EGLN1: variants seen among roughly 807,000 people sequenced by gnomAD.
The protein encoded by EGLN1 is egl nine homolog 1.
Under a neutral mutation model 38.3 loss-of-function variants are expected in EGLN1, and 17 were observed. That is an observed-to-expected ratio of 0.44 (90% confidence interval 0.30 to 0.67). The LOEUF is 0.67. EGLN1 is among the 30% of genes least tolerant of loss of function. EGLN1 has a pLI of 0.08. For synonymous variants in EGLN1, 283 were observed against 257.5 expected (o/e 1.10, Z -0.95); for missense variants, 477 against 603.3 (o/e 0.79, Z 2.19).
chr1:231,367,493 C>G, intron 4 of EGLN1, 76 bp downstream of exon 4: 2 of 1,425,318 alleles, frequency 1.4e-6, no homozygotes, highest in Non-Finnish European at 2.0e-6. Flanking sequence ...AAAGACTATG[C>G]TTGAGTTTCC....
chr1:231,401,456 T>C (rs921500652), intron 1 of EGLN1, among the ~76,000 whole-genome samples: 3 of 152,114 alleles, frequency 2.0e-5, no homozygotes, highest in Non-Finnish European at 2.9e-5. Flanking sequence ...AGTCTAGAAA[T>C]TTTTCTTACA....
chr1:231,388,198 A>G (rs191961448), intron 1 of EGLN1, among the ~76,000 whole-genome samples: 115 of 152,168 alleles, frequency 7.6e-4, no homozygotes, highest in Non-Finnish European at 8.8e-4. Flanking sequence ...TGACTAATTT[A>G]AAGAGAATGT....
chr1:231,382,263 A>G (rs1287015255), intron 1 of EGLN1, among the ~76,000 whole-genome samples: 1 of 152,212 alleles, frequency 6.6e-6, no homozygotes, highest in East Asian at 1.9e-4. Flanking sequence ...TCCTTAAGTT[A>G]TTTTGGCACA....
intron 1 of EGLN1, among the ~76,000 whole-genome samples, chr1:231,386,717 G>A (rs1376601430): frequency 2.0e-5 from 3 of 151,994 alleles, no homozygotes; most frequent in African/African-American, 7.2e-5. Flanking sequence ...ATCAATTAAT[G>A]ATTTACCTTG....
intron 1 of EGLN1, among the ~76,000 whole-genome samples, chr1:231,384,970 G>T (rs1289343756): frequency 6.6e-6 from 1 of 152,142 alleles, no homozygotes; most frequent in Non-Finnish European, 1.5e-5. Context: ...CTGAAGGCTG[G>T]CAAGAGTGGA....
chr1:231,410,280 G>C (rs1688904343), intron 1 of EGLN1, among the ~76,000 whole-genome samples: 2 of 151,910 alleles, frequency 1.3e-5, no homozygotes, highest in African/African-American at 4.8e-5. Context: ...ATACTTTATT[G>C]AAGAAAGCTG....
rs1271187835 is a variant in EGLN1, at chr1:231,416,262, T to C, written c.891+4736A>G. On this transcript the variant is annotated intron_variant, in intron 1 of 4. Transcript: ENST00000366641. Reference sequence around the variant, plus strand: ...ATCGTCCCACCTCAGCCTCCCAGAGTGTTGGGAATTACAGGGGTGAGTTAC... The same window carrying C: ...ATCGTCCCACCTCAGCCTCCCAGAGCGTTGGGAATTACAGGGGTGAGTTAC... 5.3e-5 allele frequency among the ~76,000 whole-genome samples: 8 copies of C among 151,746 alleles called. No individual in the cohort carries two copies. The East Asian group carries it at 1.4e-3, about 26-fold the overall frequency.
chr1:231,374,064 A>T lies in EGLN1; in HGVS notation c.927T>A (p.Gly309=). The change falls in exon 2 of 5, where the codon GGT becomes GGA. Residue 309 remains glycine, a synonymous_variant. Coordinates refer to ENST00000366641, the MANE Select transcript of EGLN1 (RefSeq NM_022051.3). ...MVACYPGNGT[G]YVRHVDNPNG... ...TTGGATTATCAACATGACGTACATA[A>T]CCCGTTCCATTGCCCGGATAACAAG... 1 of 1,613,706 alleles carries T rather than the reference A, an allele frequency of 6.2e-7. No individual in the cohort carries two copies. Among genetic ancestry groups the T allele is most frequent in the East Asian group, 2.2e-5 (1 of 44,858 alleles).
chr1:231,391,100 G>T lies in EGLN1; in HGVS notation c.892-17001C>A, dbSNP rs1282655043. 1.9e-3 allele frequency among the ~76,000 whole-genome samples: 262 copies of T among 139,746 alleles called. 2 individuals carry two copies. Among genetic ancestry groups the T allele is most frequent in the African/African-American group, 6.7e-3 (236 of 35,034 alleles). The allele number at this position is 139,746 out of a possible 152,430, so 91.7% of individuals were successfully genotyped here. A position where few individuals can be genotyped will look rare whatever the true frequency, so the allele number is the denominator to read the frequency against. On this transcript the variant is annotated intron_variant, in intron 1 of 4. Coordinates refer to ENST00000366641, the MANE Select transcript of EGLN1 (RefSeq NM_022051.3). Reference sequence around the variant, plus strand: ...CTCATTCTGTTTTTTTTTTGTGTGTGTGTGTGTGTGTGTGTGTGTGTGTGT... The same window carrying T: ...CTCATTCTGTTTTTTTTTTGTGTGTTTGTGTGTGTGTGTGTGTGTGTGTGT...
intron 1 of EGLN1, among the ~76,000 whole-genome samples, chr1:231,375,024 AAAAC>A (rs67936603): frequency 0.52 from 79,099 of 151,622 alleles, 22,620 homozygotes; most frequent in Middle Eastern, 0.64. Context: ...AATTATGAAG[AAAAC>A]AAACAAAGAC....
intron 1 of EGLN1, among the ~76,000 whole-genome samples, chr1:231,384,757 C>T (rs970409416): frequency 6.6e-6 from 1 of 152,154 alleles, no homozygotes; most frequent in Non-Finnish European, 1.5e-5. Context: ...GCTGGCAGAC[C>T]ACAGCCCACT....
intron 1 of EGLN1, among the ~76,000 whole-genome samples, chr1:231,398,796 T>A (rs1185573626): frequency 6.6e-6 from 1 of 151,996 alleles, no homozygotes; most frequent in Non-Finnish European, 1.5e-5. Context: ...ACTATAGTAG[T>A]GAGAACTGAA....
At chr1:231,376,142 AG>A (rs1411437207) in intron 1 of EGLN1, among the ~76,000 whole-genome samples, 1 of 152,350 alleles carries the variant, frequency 6.6e-6, no homozygotes, top group East Asian at 1.9e-4. Flanking sequence ...CCTCCTTATA[AG>A]AAGTTTTGCT....
chr1:231,412,207 A>G (rs2102937890), intron 1 of EGLN1, among the ~76,000 whole-genome samples: 1 of 152,234 alleles, frequency 6.6e-6, no homozygotes, highest in African/African-American at 2.4e-5. Context: ...CTAAGCTATC[A>G]GTAACTTTCT....
At chr1:231,414,936 C>T (rs1005441856) in intron 1 of EGLN1, among the ~76,000 whole-genome samples, 3 of 151,916 alleles carry the variant, frequency 2.0e-5, no homozygotes, top group South Asian at 2.1e-4. Context: ...GGTTTCACCA[C>T]GTTGCCCCCT....
intron 1 of EGLN1, among the ~76,000 whole-genome samples, chr1:231,408,826 A>C (rs749100306): frequency 2.2e-4 from 33 of 152,108 alleles, no homozygotes; most frequent in Admixed American, 5.2e-4. Flanking sequence ...TGAGGGCAAG[A>C]AGCAAGTTAG....
At position 231,421,709 on chromosome 1, in the gene EGLN1, GC is replaced by G; in HGVS notation, c.179del (p.Gly60AlafsTer53). The stretch of plus-strand genomic sequence containing the variant: ...CTCCGTGGCCGAGGGCGCCCTCGCT[GC>G]CCTGGCACACGAGCTTGTGCTTCTT... Reference protein sequence around the residue: ...DWKKHKLVCQGSEGALGHGVG... With the variant: ...DWKKHKLVCQXSEGALGHGVG... On this transcript the variant is annotated frameshift_variant, in exon 1 of 5. Transcript: ENST00000366641. LOFTEE classifies it high-confidence loss of function. The surrounding 1 kb of genome is among the most constrained non-coding windows in gnomAD (Gnocchi z 5.5). The G allele has an allele frequency of 6.6e-7, 1 of 1,520,780 alleles. No homozygotes were observed. 94.2% of individuals were successfully genotyped at this position (1,520,780 alleles called of 1,614,324 possible).
chr1:231,369,452 C>A, intron 3 of EGLN1: 1 of 381,066 alleles, frequency 2.6e-6, no homozygotes, highest in Non-Finnish European at 3.6e-6. Flanking sequence ...TTTACAGAAG[C>A]AGCAGGGGGC....
chr1:231,413,965 A>G (rs1286864197), intron 1 of EGLN1, among the ~76,000 whole-genome samples: 1 of 150,780 alleles, frequency 6.6e-6, no homozygotes, highest in Non-Finnish European at 1.5e-5. Flanking sequence ...GAAAAATGTG[A>G]TTATGAAGTA....
Sources: gnomAD v4.1 joint callset for allele counts (sites outside exome capture counted in the v4.1 genomes callset) on GRCh38, gnomAD v4.1.1 for gene constraint, Gnocchi (gnomAD v3.1) non-coding constraint, MANE v1.5 for transcripts, NCBI Gene and HGNC (gene_info 2026-07-23, HGNC 2026-07-21) for gene names.